Variants in PLPPR3 observed in about 807,000 individuals in gnomAD.
PLPPR3 encodes the protein phospholipid phosphatase related 3.
A neutral mutation model predicts 27.3 loss-of-function variants in PLPPR3; 14 were observed. That is an observed-to-expected ratio of 0.51 (90% CI 0.34 to 0.80). The LOEUF (loss-of-function observed/expected upper bound fraction) is 0.80, where lower values mean the gene tolerates loss of function less well. PLPPR3 is among the 30% of genes least tolerant of loss of function. PLPPR3 has a pLI of 0.01. For synonymous variants in PLPPR3, 671 were observed against 508.0 expected (o/e 1.32, Z -4.32); for missense variants, 1,287 against 1,056.9 (o/e 1.22, Z -3.02).
rs952738281 is a variant in PLPPR3, at chr19:815,566, T to C, written c.261+100A>G. The stretch of plus-strand genomic sequence containing the variant: ...CTGGCACAGGCCCCGGTGTGGATGT[T>C]CACCGACAGGCCCCAGTGTGGATGT... On this transcript the variant is annotated intron_variant, in intron 3 of 7. Coordinates refer to ENST00000520876, the MANE Select transcript of PLPPR3 (RefSeq NM_001270366.2). The C allele has an allele frequency of 2.2e-4, 281 of 1,296,048 alleles. 2 individuals are homozygous for C. The highest frequency in any genetic ancestry group is 4.0e-4 in the South Asian group (27 of 68,268). 80.3% of individuals were successfully genotyped at this position (1,296,048 alleles called of 1,614,324 possible).
At chr19:818,078 G>A (rs781777247) in intron 2 of PLPPR3, among the ~76,000 whole-genome samples, 30 of 152,068 alleles carry the variant, frequency 2.0e-4, no homozygotes, top group South Asian at 2.1e-4. Flanking sequence ...GCCTGGGCGC[G>A]GCCTTAAAAA....
rs112111032 is a variant in PLPPR3, at chr19:812,546, C to T, written c.*24G>A. ...GCCGCCCGCGCCCTCGGCCCGCCCC[C>T]CGCCCGCCCCCGGCCCCGCCGCGCT... On this transcript the variant is annotated 3_prime_UTR_variant, in exon 8 of 8. Coordinates refer to ENST00000520876, the MANE Select transcript of PLPPR3 (RefSeq NM_001270366.2). 203 of 974,106 alleles carry T rather than the reference C, an allele frequency of 2.1e-4. 2 individuals are homozygous for T. Among genetic ancestry groups the T allele is most frequent in the Middle Eastern group, 1.0e-3 (2 of 1,906 alleles). The allele number at this position is 974,106 out of a possible 1,614,324, so 60.3% of individuals were successfully genotyped here. A position where few individuals can be genotyped will look rare whatever the true frequency, so the allele number is the denominator to read the frequency against.
chr19:817,258 G>T (rs969790968), intron 2 of PLPPR3, among the ~76,000 whole-genome samples: 53 of 150,956 alleles, frequency 3.5e-4, no homozygotes, highest in Non-Finnish European at 4.1e-4. Context: ...GATTAGAGGC[G>T]TGAGGCACCG....
chr19:822,379 C>G (rs1170668814), upstream of PLPPR3, among the ~76,000 whole-genome samples: 6 of 150,566 alleles, frequency 4.0e-5, no homozygotes, highest in African/African-American at 1.5e-4. Context: ...GCCCCCGCCC[C>G]GCGCCTCCGC....
chr19:823,355 T>C (rs2035175722), upstream of PLPPR3, among the ~76,000 whole-genome samples: 1 of 150,342 alleles, frequency 6.7e-6, no homozygotes, highest in Non-Finnish European at 1.5e-5. Context: ...GGCAGGAGAA[T>C]TGCTTGAACC....
At chr19:816,623 C>A (rs2035064141) in intron 2 of PLPPR3, among the ~76,000 whole-genome samples, 1 of 144,944 alleles carries the variant, frequency 6.9e-6, no homozygotes, top group Non-Finnish European at 1.5e-5. Flanking sequence ...CATTCATCAT[C>A]CAGCCATTCA....
chr19:814,175 G>C (rs1253657046), intron 7 of PLPPR3, among the ~76,000 whole-genome samples: 1 of 151,634 alleles, frequency 6.6e-6, no homozygotes, highest in East Asian at 1.9e-4. Flanking sequence ...AGACACCCTG[G>C]GCACCCGTGC....
Position 813,368 on chromosome 19 carries a change from CTCCTCTTCCTCTTCG to C in PLPPR3, c.1344_1358del (p.Asp448_Glu452del). 3 of 1,494,004 alleles carry C rather than the reference CTCCTCTTCCTCTTCG, an allele frequency of 2.0e-6. No individual in the cohort carries two copies. The South Asian group carries it at 3.8e-5, about 19-fold the overall frequency. 92.5% of individuals were successfully genotyped at this position (1,494,004 alleles called of 1,614,324 possible). A position where few individuals can be genotyped will look rare whatever the true frequency, so the allele number is the denominator to read the frequency against. ...CCTCGTCCTCCTCCTCTTCCTCCTC[CTCCTCTTCCTCTTCG>C]TCCTCCTCCTCTTCCTCCTCCTCCG... On this transcript the variant is annotated inframe_deletion, in exon 8 of 8. Coordinates refer to ENST00000520876, the MANE Select transcript of PLPPR3 (RefSeq NM_001270366.2). This position sits in a 1 kb window ranked among gnomAD's most constrained non-coding sequence, Gnocchi z 4.1.
At chr19:817,164 G>A (rs1347398188) in intron 2 of PLPPR3, among the ~76,000 whole-genome samples, 1 of 152,108 alleles carries the variant, frequency 6.6e-6, no homozygotes, top group Non-Finnish European at 1.5e-5. Context: ...TTTTAGTAGA[G>A]ACAGGGTATC....
chr19:813,478 C>G lies in PLPPR3; in HGVS notation c.1249G>C (p.Glu417Gln). Residue 417 changes from glutamate (E) to glutamine (Q), a missense_variant, in exon 8 of 8, where the codon GAG (glutamate) becomes CAG (glutamine). By Grantham distance (29) the Glu-to-Gln change is conservative. Coordinates refer to ENST00000520876, the MANE Select transcript of PLPPR3 (RefSeq NM_001270366.2). The surrounding 1 kb of genome is among the most constrained non-coding windows in gnomAD (Gnocchi z 4.1). ...LISEWKQKSLEGRGLGLPDDA... is the reference protein window; with the variant it reads ...LISEWKQKSLQGRGLGLPDDA... ...TCGGGCAGCCCCAGGCCGCGGCCCT[C>G]CAGGCTCTTCTGCTTCCACTCGCTG... 6.5e-7 allele frequency: 1 copy of G among 1,543,258 alleles called. No homozygotes were observed. Among genetic ancestry groups the G allele is most frequent in the South Asian group, 1.2e-5 (1 of 84,442 alleles).
chr19:812,537 G>GGCCCC lies in PLPPR3; in HGVS notation c.*32_*33insGGGGC. On this transcript the variant is annotated 3_prime_UTR_variant, in exon 8 of 8. Coordinates refer to ENST00000520876, the MANE Select transcript of PLPPR3 (RefSeq NM_001270366.2). The stretch of plus-strand genomic sequence containing the variant: ...ATCCGCGCGGCCGCCCGCGCCCTCG[G>GGCCCC]CCCGCCCCCCGCCCGCCCCCGGCCC... 3 of 965,816 alleles carry GGCCCC rather than the reference G, an allele frequency of 3.1e-6. No homozygotes were observed. Among genetic ancestry groups the GGCCCC allele is most frequent in the African/African-American group, 1.8e-5 (1 of 56,106 alleles). The allele number at this position is 965,816 out of a possible 1,614,324, so 59.8% of individuals were successfully genotyped here.
chr19:821,682 CTG>C, intron 1 of PLPPR3, 97 bp from the exon 2 acceptor site: 3 of 607,222 alleles, frequency 4.9e-6, no homozygotes, highest in Non-Finnish European at 7.7e-6. Flanking sequence ...GTCGGGGAAA[CTG>C]AGGCTGCAGA....
chr19:815,669 G>A lies in PLPPR3; in HGVS notation c.258C>T (p.Ala86=), dbSNP rs2035041343. 1.3e-6 allele frequency: 2 copies of A among 1,581,518 alleles called. No homozygotes were observed. Among genetic ancestry groups the A allele is most frequent in the Non-Finnish European group, 1.7e-6 (2 of 1,165,644 alleles). ...LLSLAFAAPA[A]SIMVAEGMLY... ...AGGCCCCGGTGCAGGTGCTCACCGAGGCGGCAGGGGCCGCGAAGGCCAAGC... is the reference window on the plus strand; with the variant it reads ...AGGCCCCGGTGCAGGTGCTCACCGAAGCGGCAGGGGCCGCGAAGGCCAAGC... The change falls in exon 3 of 8, where the codon GCC becomes GCT. Residue 86 remains alanine (A), a synonymous_variant. Transcript: ENST00000520876.
Position 813,365 on chromosome 19 carries a change from CTCCTCCTCT to C in PLPPR3, c.1353_1361del (p.Glu457_Glu459del), listed in dbSNP as rs2034978967. Reference sequence around the variant, plus strand: ...GGCCCTCGTCCTCCTCCTCTTCCTCCTCCTCCTCTTCCTCTTCGTCCTCCTCCTCTTCCT... The same window carrying C: ...GGCCCTCGTCCTCCTCCTCTTCCTCCTCCTCTTCGTCCTCCTCCTCTTCCT... On this transcript the variant is annotated inframe_deletion, in exon 8 of 8. Coordinates refer to ENST00000520876, the MANE Select transcript of PLPPR3 (RefSeq NM_001270366.2). This position sits in a 1 kb window ranked among gnomAD's most constrained non-coding sequence, Gnocchi z 4.1. 4 of 1,492,000 alleles carry C rather than the reference CTCCTCCTCT, an allele frequency of 2.7e-6. No individual in the cohort carries two copies. Among genetic ancestry groups the C allele is most frequent in the Non-Finnish European group, 2.7e-6 (3 of 1,128,792 alleles). 92.4% of individuals were successfully genotyped at this position (1,492,000 alleles called of 1,614,324 possible).
chr19:813,927 T>G lies in PLPPR3; in HGVS notation c.832-32A>C, dbSNP rs1260508074. On this transcript the variant is annotated intron_variant, in intron 7 of 7. Transcript: ENST00000520876. The surrounding 1 kb of genome is among the most constrained non-coding windows in gnomAD (Gnocchi z 4.1). ...GGGAGAGGGGTCTGGGGGTGAGGCC[T>G]GGGGCTCAGAGGGCTCCTCCCCTGT... The G allele has an allele frequency of 2.1e-6, 3 of 1,414,030 alleles. No individual in the cohort carries two copies. The Admixed American group carries it at 9.5e-5, about 45-fold the overall frequency. 87.6% of individuals were successfully genotyped at this position (1,414,030 alleles called of 1,614,324 possible). A position where few individuals can be genotyped will look rare whatever the true frequency, so the allele number is the denominator to read the frequency against.
rs2035104756 is a variant in PLPPR3, at chr19:818,957, C to CCTA, written c.75+2527_75+2528insTAG. Among the ~76,000 whole-genome samples the CCTA allele has an allele frequency of 1.8e-5, 2 of 112,276 alleles. 1 individual carries two copies. 73.7% of individuals were successfully genotyped at this position (112,276 alleles called of 152,430 possible). ...TACAGGTGTGAGCCACTGCGCTCGG[C>CCTA]CTTATTATTATTATTTTATTTATTA... is the stretch of plus-strand genomic sequence containing the variant. On this transcript the variant is annotated intron_variant, in intron 2 of 7. Transcript: ENST00000520876.
Position 813,146 on chromosome 19 carries a change from C to A in PLPPR3, c.1581G>T (p.Gly527=). Residue 527 remains glycine, a synonymous_variant, in exon 8 of 8, where the codon GGG becomes GGT. Transcript: ENST00000520876. This position sits in a 1 kb window ranked among gnomAD's most constrained non-coding sequence, Gnocchi z 4.1. The part of the protein sequence containing the change: ...AKWLMMAEKS[G]AAVANPPRLL... The stretch of plus-strand genomic sequence containing the variant: ...GCCGCGGAGGGTTGGCCACTGCCGC[C>A]CCGCTCTTCTCGGCCATCATGAGCC... The A allele has an allele frequency of 6.6e-7, 1 of 1,523,524 alleles. No homozygotes were observed. Among genetic ancestry groups the A allele is most frequent in the South Asian group, 1.2e-5 (1 of 83,018 alleles). 94.4% of individuals were successfully genotyped at this position (1,523,524 alleles called of 1,614,324 possible).
At position 814,945 on chromosome 19, in the gene PLPPR3, G is replaced by T. The variant is rs759552240; in HGVS notation, c.540C>A (p.Asn180Lys). Reference sequence around the variant, plus strand: ...AGCAGATGTCCTGCGTGATGTAGGGGTTGACCTCGCAGGACGTGCCCAGGA... The same window carrying T: ...AGCAGATGTCCTGCGTGATGTAGGGTTTGACCTCGCAGGACGTGCCCAGGA... ...YTLLGTSCEV[N>K]PYITQDICSG... is the part of the protein sequence containing the mutation. The change falls in exon 5 of 8, where the codon AAC becomes AAA. Residue 180 changes from asparagine to lysine, a missense_variant. Physicochemically the swap from Asn to Lys is moderately conservative, Grantham distance 94. Coordinates refer to ENST00000520876, the MANE Select transcript of PLPPR3 (RefSeq NM_001270366.2). The T allele has an allele frequency of 3.7e-6, 6 of 1,612,394 alleles. No homozygotes were observed. The highest frequency in any genetic ancestry group is 2.7e-5 in the African/African-American group (2 of 74,932).
chr19:813,911 G>A lies in PLPPR3; in HGVS notation c.832-16C>T, dbSNP rs531540217. On this transcript the variant is annotated splice_polypyrimidine_tract_variant and intron_variant, in intron 7 of 7. Transcript: ENST00000520876. The surrounding 1 kb of genome is among the most constrained non-coding windows in gnomAD (Gnocchi z 4.1). ...CGTGGCAGGCCTGTCGGGGAGAGGG[G>A]TCTGGGGGTGAGGCCTGGGGCTCAG... The A allele has an allele frequency of 7.0e-7, 1 of 1,423,046 alleles. No homozygotes were observed. Among genetic ancestry groups the A allele is most frequent in the Non-Finnish European group, 9.1e-7 (1 of 1,095,916 alleles). 88.2% of individuals were successfully genotyped at this position (1,423,046 alleles called of 1,614,324 possible). A position where few individuals can be genotyped will look rare whatever the true frequency, so the allele number is the denominator to read the frequency against.
Sources: allele counts gnomAD v4.1 joint callset (sites outside exome capture counted in the v4.1 genomes callset), GRCh38; gene constraint gnomAD v4.1.1; non-coding constraint Gnocchi (gnomAD v3.1); transcripts MANE v1.5; gene names NCBI Gene and HGNC (gene_info 2026-07-23, HGNC 2026-07-21).